The following CSTPP1 variants were observed in gnomAD, a reference collection of about 807,000 sequenced individuals.
The protein encoded by CSTPP1 is UPF0705 protein C11orf49.
the CSTPP1 span, among the ~76,000 whole-genome samples, chr11:47,010,530 T>G: frequency 1.3e-5 from 2 of 152,194 alleles, no homozygotes; most frequent in African/African-American, 4.8e-5. Flanking sequence ...TGTCTGTTTT[T>G]CAAGTCTGAT....
the CSTPP1 span, chr11:47,155,676 C>T: frequency 9.7e-6 from 2 of 205,140 alleles, no homozygotes; most frequent in Non-Finnish European, 1.0e-5. Flanking sequence ...AGTAGCCAGT[C>T]ATGCAGCTCA....
the CSTPP1 span, among the ~76,000 whole-genome samples, chr11:46,954,135 C>A: frequency 1.3e-5 from 2 of 152,036 alleles, no homozygotes; most frequent in South Asian, 4.1e-4. Context: ...CTAACAGGAG[C>A]AAAGTTGACT....
the CSTPP1 span, among the ~76,000 whole-genome samples, chr11:46,941,254 C>T: frequency 2.0e-5 from 3 of 152,196 alleles, no homozygotes; most frequent in African/African-American, 4.8e-5. Context: ...TGCTGAAATG[C>T]GTTTGTCTTT....
the CSTPP1 span, among the ~76,000 whole-genome samples, chr11:46,996,280 TA>T: frequency 2.0e-5 from 3 of 151,202 alleles, no homozygotes; most frequent in East Asian, 5.8e-4. Context: ...CATTTACATT[TA>T]AGGTTAATAT....
At chr11:47,149,580 T>A in the CSTPP1 span, among the ~76,000 whole-genome samples, 1 of 152,288 alleles carries the variant, frequency 6.6e-6, no homozygotes, top group East Asian at 1.9e-4. Context: ...TTCCCATAGT[T>A]CTGCTGAGAT....
At chr11:46,951,293 CTCT>C in the CSTPP1 span, among the ~76,000 whole-genome samples, 1 of 143,556 alleles carries the variant, frequency 7.0e-6, no homozygotes, top group African/African-American at 2.8e-5. Flanking sequence ...ATTCCTTAGA[CTCT>C]TTTTTTTTTT....
chr11:46,962,034 G>A, the CSTPP1 span, among the ~76,000 whole-genome samples: 1 of 152,128 alleles, frequency 6.6e-6, no homozygotes, highest in African/African-American at 2.4e-5. Context: ...GAGCAAAAGG[G>A]GGAAAAGTCC....
chr11:47,146,996 G>A, the CSTPP1 span, among the ~76,000 whole-genome samples: 4 of 152,214 alleles, frequency 2.6e-5, no homozygotes, highest in Non-Finnish European at 2.9e-5. Flanking sequence ...AAGACATGCA[G>A]AGGAATGCTA....
At chr11:47,051,238 C>T in the CSTPP1 span, among the ~76,000 whole-genome samples, 6 of 152,152 alleles carry the variant, frequency 3.9e-5, no homozygotes, top group Non-Finnish European at 1.5e-5. Flanking sequence ...TCCTGATTTA[C>T]TTGTCAGGGA....
chr11:47,112,043 T>A, the CSTPP1 span, among the ~76,000 whole-genome samples: 2 of 152,118 alleles, frequency 1.3e-5, no homozygotes, highest in African/African-American at 4.8e-5. Context: ...TCTTACCCAA[T>A]AGGCACACTC....
the CSTPP1 span, among the ~76,000 whole-genome samples, chr11:47,135,652 A>G: frequency 2.6e-5 from 4 of 152,304 alleles, no homozygotes; most frequent in South Asian, 6.2e-4. Flanking sequence ...ATAACAACTA[A>G]TAGAACTACT....
the CSTPP1 span, among the ~76,000 whole-genome samples, chr11:47,074,211 CA>C: frequency 4.0e-5 from 6 of 151,128 alleles, no homozygotes; most frequent in Admixed American, 1.3e-4. Flanking sequence ...AACAACAAAT[CA>C]AAAAGCACCA....
At chr11:47,003,752 G>A in the CSTPP1 span, among the ~76,000 whole-genome samples, 1 of 152,212 alleles carries the variant, frequency 6.6e-6, no homozygotes, top group African/African-American at 2.4e-5. Context: ...TGCAACAATA[G>A]ATAATACTAC....
the CSTPP1 span, among the ~76,000 whole-genome samples, chr11:47,015,013 T>A: frequency 6.6e-6 from 1 of 151,830 alleles, no homozygotes; most frequent in Non-Finnish European, 1.5e-5. Flanking sequence ...ATTACCAATA[T>A]CAGGAACGAG....
the CSTPP1 span, among the ~76,000 whole-genome samples, chr11:46,970,936 T>C: frequency 6.6e-6 from 1 of 152,214 alleles, no homozygotes. Flanking sequence ...ATGTAGCCAT[T>C]ACAAAGAATT....
chr11:46,974,475 A>G, the CSTPP1 span, among the ~76,000 whole-genome samples: 1 of 148,870 alleles, frequency 6.7e-6, no homozygotes, highest in Non-Finnish European at 1.5e-5. Context: ...TGCAGTGAGC[A>G]GAGACCTTGC....
chr11:47,161,249 CTGTGCCCCATCTGG>C, the CSTPP1 span: 1 of 1,613,296 alleles, frequency 6.2e-7, no homozygotes, highest in Non-Finnish European at 8.5e-7. Context: ...TCGGACACGG[CTGTGCCCCATCTGG>C]GGCCAACACC....
the CSTPP1 span, among the ~76,000 whole-genome samples, chr11:47,034,465 A>G: frequency 6.6e-6 from 1 of 150,928 alleles, no homozygotes; most frequent in African/African-American, 2.4e-5. Flanking sequence ...AAAACTGCTC[A>G]GGAAGATATC....
At chr11:46,952,027 T>C in the CSTPP1 span, among the ~76,000 whole-genome samples, 23 of 152,130 alleles carry the variant, frequency 1.5e-4, no homozygotes, top group Non-Finnish European at 3.2e-4. Flanking sequence ...CTCAGGGTAT[T>C]AGGGTGAGGG....
Sources: allele counts gnomAD v4.1 joint callset (sites outside exome capture counted in the v4.1 genomes callset), GRCh38; gene constraint gnomAD v4.1.1; transcripts MANE v1.5; gene names NCBI Gene and HGNC (gene_info 2026-07-23, HGNC 2026-07-21).